Variants in NSD1 observed in about 807,000 individuals in gnomAD.
The protein encoded by NSD1 is histone-lysine N-methyltransferase, H3 lysine-36 specific.
Under a neutral mutation model 242.7 loss-of-function variants are expected in NSD1, and 26 were observed. That is an observed-to-expected ratio of 0.11 (90% confidence interval 0.08 to 0.15). The LOEUF (loss-of-function observed/expected upper bound fraction) is 0.15, where lower values mean the gene tolerates loss of function less well. NSD1 is among the 10% of genes least tolerant of loss of function. The pLI, the probability that NSD1 is intolerant of heterozygous loss-of-function variation, is 1.00. For synonymous variants in NSD1, 1,106 were observed against 1,178.1 expected, an observed-to-expected ratio of 0.94 and a Z score of 1.25; for missense variants, 2,495 against 3,272.8, an observed-to-expected ratio of 0.76 and a Z score of 5.80.
chr5:177,205,670 C>T (rs1343941722), intron 4 of NSD1, among the ~76,000 whole-genome samples: 2 of 151,988 alleles, frequency 1.3e-5, no homozygotes, highest in Admixed American at 6.6e-5. Context: ...ACCTGTTAAA[C>T]AGTAATTCCC....
At chr5:177,170,599 T>C (rs1206886207) in intron 2 of NSD1, among the ~76,000 whole-genome samples, 1 of 151,922 alleles carries the variant, frequency 6.6e-6, no homozygotes, top group Non-Finnish European at 1.5e-5. Flanking sequence ...GCAATCCGCC[T>C]GCCTCAGCTT....
At chr5:177,145,891 A>C (rs1757200227) in intron 2 of NSD1, among the ~76,000 whole-genome samples, 1 of 143,206 alleles carries the variant, frequency 7.0e-6, no homozygotes. Context: ...CTGGGCTAGA[A>C]GAGCGAAACT....
At chr5:177,265,372 G>T (rs185311548) in intron 14 of NSD1, 15 of 596,990 alleles carry the variant, frequency 2.5e-5, no homozygotes, top group African/African-American at 2.4e-4. Context: ...TTTCCCAGCT[G>T]AAGATTTATT....
At chr5:177,234,908 C>G (rs1161540412) in intron 5 of NSD1, among the ~76,000 whole-genome samples, 1 of 152,244 alleles carries the variant, frequency 6.6e-6, no homozygotes, top group Non-Finnish European at 1.5e-5. Flanking sequence ...TATACAGTAA[C>G]CTTTTAATCA....
At position 177,240,569 on chromosome 5, in the gene NSD1, T is replaced by C. The variant is rs192624652; in HGVS notation, c.4302+704T>C. Among the ~76,000 whole-genome samples, 934 of 151,968 alleles carry C rather than the reference T, an allele frequency of 6.1e-3. 11 individuals carry two copies. The highest frequency in any genetic ancestry group is 0.021 in the African/African-American group (874 of 41,462). On this transcript the variant is annotated intron_variant, in intron 8 of 22. Coordinates refer to ENST00000439151, the MANE Select transcript of NSD1 (RefSeq NM_022455.5). ...TCTACTAAAAATACAAAAAATTAGC[T>C]GGGCGTGGTGGCAGGCGCCTGTAGT...
Position 177,209,812 on chromosome 5 carries a change from G to A in NSD1, c.1413G>A (p.Leu471=). ...TNDPESEHDL[L]LNGCLKSLAF... ...ATCCTGAGTCAGAACATGACCTGTT[G>A]CTTAATGGCTGTTTGAAATCACTGG... Residue 471 remains leucine (L), a synonymous_variant, in exon 5 of 23, where the codon TTG becomes TTA. Transcript: ENST00000439151. 1 of 1,614,128 alleles carries A rather than the reference G, an allele frequency of 6.2e-7. No individual in the cohort carries two copies. The highest frequency in any genetic ancestry group is 8.5e-7 in the Non-Finnish European group (1 of 1,180,028).
intron 1 of NSD1, 48 bp from the exon 2 acceptor site, chr5:177,135,039 T>A (rs2149755060): frequency 6.6e-7 from 1 of 1,519,422 alleles, no homozygotes; most frequent in East Asian, 2.3e-5. Flanking sequence ...AAGAGTCGAG[T>A]CAGATGGCCT....
upstream of NSD1, among the ~76,000 whole-genome samples, chr5:177,132,255 C>G (rs1483145738): frequency 6.6e-6 from 1 of 151,810 alleles, no homozygotes; most frequent in East Asian, 1.9e-4. This position sits in a 1 kb window ranked among gnomAD's most constrained non-coding sequence, Gnocchi z 7.5. Context: ...CCCCGGGGAA[C>G]CGGGCTGCGG....
Position 177,295,413 on chromosome 5 carries a change from A to G in NSD1, c.8045A>G (p.Asn2682Ser). 6.2e-7 allele frequency: 1 copy of G among 1,614,218 alleles called. No homozygotes were observed. The highest frequency in any genetic ancestry group is 8.5e-7 in the Non-Finnish European group (1 of 1,180,032). Residue 2682 changes from asparagine (N) to serine (S), a missense_variant, in exon 23 of 23, where the codon AAC becomes AGC. Asn to Ser is a conservative substitution (Grantham distance 46, BLOSUM62 1). Coordinates refer to ENST00000439151, the MANE Select transcript of NSD1 (RefSeq NM_022455.5). This position sits in a 1 kb window ranked among gnomAD's most constrained non-coding sequence, Gnocchi z 4.3. ...GAGCAAAATACACTTCCAGCTCTTA[A>G]CCAGGCTCCTTCCAGTCACAAGTGT... is the stretch of plus-strand genomic sequence containing the variant. ...KPEQNTLPAL[N>S]QAPSSHKCAE... is the part of the protein sequence containing the mutation.
chr5:177,158,938 G>GTGTGTGTA (rs1554173029), intron 2 of NSD1, among the ~76,000 whole-genome samples: 2 of 141,764 alleles, frequency 1.4e-5, no homozygotes, highest in African/African-American at 2.7e-5. Flanking sequence ...GTGTGTGTGT[G>GTGTGTGTA]TATATATACA....
At chr5:177,185,207 C>T (rs1180198906) in intron 2 of NSD1, among the ~76,000 whole-genome samples, 1 of 152,090 alleles carries the variant, frequency 6.6e-6, no homozygotes, top group East Asian at 1.9e-4. Flanking sequence ...GTGGCTCATG[C>T]CTGTAATCCC....
intron 14 of NSD1, among the ~76,000 whole-genome samples, 171 bp downstream of exon 14, chr5:177,260,339 CTTTTTT>C (rs1174250871): frequency 0.033 from 2,846 of 85,888 alleles, 40 homozygotes; most frequent in South Asian, 0.089. Flanking sequence ...CATAGCAGAA[CTTTTTT>C]TTTTTTTTTT....
At chr5:177,159,700 A>G (rs992855307) in intron 2 of NSD1, among the ~76,000 whole-genome samples, 6 of 150,304 alleles carry the variant, frequency 4.0e-5, no homozygotes, top group Non-Finnish European at 5.9e-5. Flanking sequence ...CGTTCAAGCA[A>G]TTCTGCCTCA....
rs1760450141 is a variant in NSD1, at chr5:177,299,443, A to G, written c.*3984A>G. On this transcript the variant is annotated 3_prime_UTR_variant, in exon 23 of 23. Coordinates refer to ENST00000439151, the MANE Select transcript of NSD1 (RefSeq NM_022455.5). ...CATTGAGTTTCTCAGGGCTGGGGCC[A>G]CCTTGTCCATAGCCTCCGTCCACGC... The G allele has an allele frequency of 8.6e-6, 2 of 233,250 alleles. No individual in the cohort carries two copies. Among genetic ancestry groups the G allele is most frequent in the East Asian group, 1.2e-4 (2 of 16,594 alleles). The allele number at this position is 233,250 out of a possible 1,614,324, so 14.4% of individuals were successfully genotyped here.
intron 12 of NSD1, among the ~76,000 whole-genome samples, chr5:177,254,625 C>T (rs1756277083): frequency 1.3e-5 from 2 of 152,104 alleles, no homozygotes; most frequent in Admixed American, 1.3e-4. Context: ...TTCTCAAACT[C>T]CTGGCCTCAG....
chr5:177,270,790 A>G (rs1175406000), intron 16 of NSD1, among the ~76,000 whole-genome samples: 3 of 152,240 alleles, frequency 2.0e-5, no homozygotes, highest in African/African-American at 4.8e-5. Context: ...ATAGGGAACA[A>G]GTTTAACAAA....
At chr5:177,172,222 G>A (rs1403619706) in intron 2 of NSD1, among the ~76,000 whole-genome samples, 2 of 152,124 alleles carry the variant, frequency 1.3e-5, no homozygotes, top group African/African-American at 4.8e-5. Flanking sequence ...AATATTTTTG[G>A]ATCCTGGATG....
intron 17 of NSD1, among the ~76,000 whole-genome samples, chr5:177,279,610 ATTTT>A (rs536478404): frequency 3.1e-5 from 3 of 95,430 alleles, no homozygotes; most frequent in Admixed American, 1.6e-4. Flanking sequence ...AGCTTTGAAA[ATTTT>A]TTTTTTTTTT....
Position 177,280,869 on chromosome 5 carries a change from T to G in NSD1, c.5892+35T>G, listed in dbSNP as rs140517853. On this transcript the variant is annotated intron_variant, in intron 18 of 22. Coordinates refer to ENST00000439151, the MANE Select transcript of NSD1 (RefSeq NM_022455.5). ...AGCTAAATTACCATATACTTTCTCCTCTTTGCAGTTGCTTGATATCATTGA... is the reference window on the plus strand; with the variant it reads ...AGCTAAATTACCATATACTTTCTCCGCTTTGCAGTTGCTTGATATCATTGA... The G allele has an allele frequency of 4.0e-5, 64 of 1,607,242 alleles. No homozygotes were observed. In the East Asian group the frequency reaches 1.4e-3, roughly 36 times the overall value.
Sources: gnomAD v4.1 joint callset for allele counts (sites outside exome capture counted in the v4.1 genomes callset) on GRCh38, gnomAD v4.1.1 for gene constraint, Gnocchi (gnomAD v3.1) non-coding constraint, MANE v1.5 for transcripts, NCBI Gene and HGNC (gene_info 2026-07-23, HGNC 2026-07-21) for gene names.